Variants in AKAP6 observed in about 807,000 individuals in gnomAD.
AKAP6 encodes A-kinase anchor protein 6.
In AKAP6, 58 loss-of-function variants were observed where a neutral mutation model predicts 188.5. That is an observed-to-expected ratio of 0.31 (90% CI 0.25 to 0.38). AKAP6 has a LOEUF of 0.38. AKAP6 is among the 10% of genes least tolerant of loss of function. The pLI, the probability that AKAP6 is intolerant of heterozygous loss-of-function variation, is 1.00. For synonymous variants in AKAP6, 989 were observed against 998.6 expected (o/e 0.99, Z 0.18); for missense variants, 2,710 against 2,740.0 (o/e 0.99, Z 0.24).
chr14:32,411,352 C>T (rs1889477488), intron 1 of AKAP6, among the ~76,000 whole-genome samples: 1 of 152,158 alleles, frequency 6.6e-6, no homozygotes, highest in African/African-American at 2.4e-5. Flanking sequence ...GAGATTCCCA[C>T]CTGCTGATTG....
intron 7 of AKAP6, among the ~76,000 whole-genome samples, chr14:32,637,966 A>G (rs7152377): frequency 0.34 from 51,914 of 151,930 alleles, 10,070 homozygotes; most frequent in East Asian, 0.85. Flanking sequence ...CAAGTGCCAT[A>G]ATCTTCAACC....
chr14:32,660,923 CACCCCCCCCCCT>C (rs1888664689), intron 7 of AKAP6, among the ~76,000 whole-genome samples: 1 of 64,840 alleles, frequency 1.5e-5, no homozygotes, highest in Non-Finnish European at 2.8e-5. Context: ...TCTTCCCCGC[CACCCCCCCCCCT>C]CCCAATTCCA....
At chr14:32,740,911 T>C (rs1341870504) in intron 11 of AKAP6, among the ~76,000 whole-genome samples, 3 of 152,048 alleles carry the variant, frequency 2.0e-5, no homozygotes, top group South Asian at 2.1e-4. Flanking sequence ...ATGTCATTGG[T>C]ATTTTGATAG....
At chr14:32,450,337 AGAGAGG>A (rs999097363) in intron 2 of AKAP6, among the ~76,000 whole-genome samples, 85 of 152,024 alleles carry the variant, frequency 5.6e-4, no homozygotes, top group Non-Finnish European at 1.2e-4. Flanking sequence ...AGAGAGAGAG[AGAGAGG>A]GAGAGGGAGA....
chr14:32,540,192 A>ATTTT (rs1555338084), intron 3 of AKAP6, among the ~76,000 whole-genome samples: 189 of 123,418 alleles, frequency 1.5e-3, no homozygotes, highest in Non-Finnish European at 2.0e-3. Flanking sequence ...ATATATATAT[A>ATTTT]TTTTAATTTT....
intron 13 of AKAP6, among the ~76,000 whole-genome samples, chr14:32,825,197 A>T (rs2034644293): frequency 6.6e-6 from 1 of 152,194 alleles, no homozygotes; most frequent in South Asian, 2.1e-4. Flanking sequence ...AGTTTCCTGC[A>T]CAGAGAGCTG....
In AKAP6 at chr14:32,670,347, C is replaced by T. The variant is rs182142731; in HGVS notation, c.2731-7964C>T. Among the ~76,000 whole-genome samples, 212 of 151,650 alleles carry T rather than the reference C, an allele frequency of 1.4e-3. 1 individual carries two copies. Among genetic ancestry groups the T allele is most frequent in the Middle Eastern group, 6.8e-3 (2 of 294 alleles). On this transcript the variant is annotated intron_variant, in intron 7 of 13. Transcript: ENST00000280979. ...TCACCAAGTGTAGATTCTAATCAAC[C>T]CTGGAAGTCCTTGGGAGGGTCCATG...
chr14:32,835,597 T>C lies in AKAP6; in HGVS notation c.*5792T>C, dbSNP rs2034867357. ...ACAGTCAGTTTTTTTCAAATTCATT[T>C]TTCAACTCAAAGGCAAAACCATGAT... On this transcript the variant is annotated 3_prime_UTR_variant, in exon 14 of 14. Transcript: ENST00000280979. 6.6e-6 allele frequency: 1 copy of C among 152,214 alleles called. No homozygotes were observed. Among genetic ancestry groups the C allele is most frequent in the African/African-American group, 2.4e-5 (1 of 41,442 alleles). The allele number at this position is 152,214 out of a possible 1,614,324, so 9.4% of individuals were successfully genotyped here. A position where few individuals can be genotyped will look rare whatever the true frequency, so the allele number is the denominator to read the frequency against.
chr14:32,481,731 C>T (rs1325500720), intron 2 of AKAP6, among the ~76,000 whole-genome samples: 1 of 152,124 alleles, frequency 6.6e-6, no homozygotes, highest in Non-Finnish European at 1.5e-5. Flanking sequence ...CACAGCAAAA[C>T]CATATAAATT....
intron 1 of AKAP6, among the ~76,000 whole-genome samples, chr14:32,397,869 A>C (rs1183665174): frequency 1.3e-5 from 2 of 152,156 alleles, no homozygotes; most frequent in African/African-American, 2.4e-5. Flanking sequence ...AAAATGCAAC[A>C]CTGAGGTCTC....
intron 1 of AKAP6, among the ~76,000 whole-genome samples, chr14:32,371,462 C>G (rs1332803039): frequency 6.6e-6 from 1 of 152,148 alleles, no homozygotes; most frequent in African/African-American, 2.4e-5. Flanking sequence ...AAAGAATTAG[C>G]TGGGCGTGGG....
At chr14:32,441,302 G>C (rs1173279777) in intron 2 of AKAP6, among the ~76,000 whole-genome samples, 1 of 152,164 alleles carries the variant, frequency 6.6e-6, no homozygotes, top group Admixed American at 6.5e-5. Context: ...TCTACAATTA[G>C]TGCTAAGATT....
chr14:32,531,595 A>G (rs765780365), intron 2 of AKAP6, among the ~76,000 whole-genome samples: 73 of 152,300 alleles, frequency 4.8e-4, no homozygotes, highest in Admixed American at 7.8e-4. Context: ...TATACCAAAC[A>G]GTTCCATCAG....
chr14:32,672,995 A>G lies in AKAP6; in HGVS notation c.2731-5316A>G, dbSNP rs1356874724. On this transcript the variant is annotated intron_variant, in intron 7 of 13. Coordinates refer to ENST00000280979, the MANE Select transcript of AKAP6 (RefSeq NM_004274.5). ...GGCCAAGATAGCATACAAATTTTCTAACCTGGCATCCTCCATCGTCTATCC... is the reference window on the plus strand; with the variant it reads ...GGCCAAGATAGCATACAAATTTTCTGACCTGGCATCCTCCATCGTCTATCC... Among the ~76,000 whole-genome samples the G allele has an allele frequency of 2.0e-5, 3 of 152,320 alleles. No individual in the cohort carries two copies. In the East Asian group the frequency reaches 5.8e-4, roughly 29 times the overall value.
At chr14:32,748,730 G>A (rs1455475427) in intron 11 of AKAP6, among the ~76,000 whole-genome samples, 5 of 152,164 alleles carry the variant, frequency 3.3e-5, no homozygotes, top group Non-Finnish European at 7.3e-5. Context: ...TTTGACCTGG[G>A]AAGGAAGAGC....
intron 12 of AKAP6, among the ~76,000 whole-genome samples, chr14:32,803,280 T>TAAAA (rs751626513): frequency 8.6e-6 from 1 of 116,284 alleles, no homozygotes; most frequent in Non-Finnish European, 2.0e-5. Flanking sequence ...CCCGTCTCTA[T>TAAAA]AAAAAAAAAA....
chr14:32,448,409 T>G (rs188668860), intron 2 of AKAP6, among the ~76,000 whole-genome samples: 98 of 152,318 alleles, frequency 6.4e-4, no homozygotes, highest in African/African-American at 2.3e-3. Flanking sequence ...CTAGTAATAA[T>G]TCGAGTGAGC....
At chr14:32,737,149 A>G (rs2031466281) in intron 11 of AKAP6, among the ~76,000 whole-genome samples, 1 of 152,124 alleles carries the variant, frequency 6.6e-6, no homozygotes, top group Non-Finnish European at 1.5e-5. Flanking sequence ...GAGATTATGG[A>G]GCCCTGATGA....
chr14:32,352,105 G>T (rs753772483), intron 1 of AKAP6, among the ~76,000 whole-genome samples: 768 of 66,410 alleles, frequency 0.012, 3 homozygotes, highest in East Asian at 0.056. Flanking sequence ...GTGTGTGTTT[G>T]TGTGTGTGTG....
Sources: allele counts gnomAD v4.1 joint callset (sites outside exome capture counted in the v4.1 genomes callset), GRCh38; gene constraint gnomAD v4.1.1; transcripts MANE v1.5; gene names NCBI Gene and HGNC (gene_info 2026-07-23, HGNC 2026-07-21).